The following MACF1 variants were observed in gnomAD, a reference collection of about 807,000 sequenced individuals.
MACF1 encodes the protein microtubule-actin cross-linking factor 1.
Under a neutral mutation model 854.8 loss-of-function variants are expected in MACF1, and 193 were observed. The observed-to-expected ratio is 0.23, with a 90% CI of 0.20 to 0.25. The LOEUF (loss-of-function observed/expected upper bound fraction) is 0.25. Among genes scored for constraint, MACF1 ranks in the 10% least tolerant of loss-of-function variants. MACF1 has a pLI of 1.00. For missense variants in MACF1, 7,722 were observed against 8,929.1 expected (o/e 0.86, Z 5.45); for synonymous variants, 3,185 against 3,226.7 (o/e 0.99, Z 0.44).
Position 39,460,568 on chromosome 1 carries a change from T to C in MACF1, c.21361-64T>C. The C allele has an allele frequency of 1.4e-6, 2 of 1,437,622 alleles. No homozygotes were observed. The highest frequency in any genetic ancestry group is 1.9e-6 in the Non-Finnish European group (2 of 1,026,226). 89.1% of individuals were successfully genotyped at this position (1,437,622 alleles called of 1,614,324 possible). ...TACTGAATGTCTGAAAGTTTGGGTA[T>C]GCTCTGGGCAGCTTTTGAGGGCCCA... On this transcript the variant is annotated intron_variant, in intron 91 of 100. Coordinates refer to ENST00000564288, the MANE Select transcript of MACF1 (RefSeq NM_001394062.1). The surrounding 1 kb of genome is among the most constrained non-coding windows in gnomAD (Gnocchi z 4.1).
chr1:39,092,818 C>T (rs1641839176), intron 2 of MACF1, among the ~76,000 whole-genome samples: 1 of 150,792 alleles, frequency 6.6e-6, no homozygotes, highest in African/African-American at 2.4e-5. Flanking sequence ...GAGTCTCTCT[C>T]TGTTGCCCAG....
At chr1:39,121,246 A>G (rs2148157874) in intron 2 of MACF1, among the ~76,000 whole-genome samples, 1 of 152,314 alleles carries the variant, frequency 6.6e-6, no homozygotes, top group South Asian at 2.1e-4. Context: ...CTAACGCCAT[A>G]TCTCCTTACC....
At chr1:39,352,935 C>G (rs1473705448) in intron 43 of MACF1, 72 bp from the exon 44 acceptor site, 2 of 1,036,750 alleles carry the variant, frequency 1.9e-6, no homozygotes, top group Non-Finnish European at 3.0e-6. Flanking sequence ...CCCCTTTACC[C>G]CATTACTTAA....
chr1:39,478,318 T>C (rs1644949586), intron 97 of MACF1, among the ~76,000 whole-genome samples: 1 of 152,130 alleles, frequency 6.6e-6, no homozygotes, highest in Non-Finnish European at 1.5e-5. Context: ...TCATGTATTG[T>C]TGAGGCTTGA....
intron 2 of MACF1, among the ~76,000 whole-genome samples, chr1:39,123,709 CTTGTTTTGTTTTTT>C (rs1571069820): frequency 1.1e-5 from 1 of 94,388 alleles, no homozygotes; most frequent in Non-Finnish European, 2.2e-5. Context: ...CCGGCTAATT[CTTGTTTTGTTTTTT>C]TTTTTTTTTT....
At chr1:39,404,462 C>T (rs1642613178) in intron 58 of MACF1, among the ~76,000 whole-genome samples, 1 of 150,584 alleles carries the variant, frequency 6.6e-6, no homozygotes, top group South Asian at 2.1e-4. Context: ...CAATGTGAGA[C>T]CCTGTCTGGA....
Position 39,357,789 on chromosome 1 carries a change from A to G in MACF1, c.11839A>G (p.Met3947Val), listed in dbSNP as rs1647715344. ...VTISGQKVLD[M>V]ENSFKEGKEP... is the part of the protein sequence containing the mutation. ...TATCTCAGGACAGAAAGTCTTGGAC[A>G]TGGAAAACAGTTTTAAGGAAGGCAA... Residue 3947 changes from methionine (M) to valine (V), a missense_variant, in exon 45 of 101, where the codon ATG becomes GTG. Coordinates refer to ENST00000564288, the MANE Select transcript of MACF1 (RefSeq NM_001394062.1). 6.2e-7 allele frequency: 1 copy of G among 1,614,168 alleles called. No homozygotes were observed. The highest frequency in any genetic ancestry group is 8.5e-7 in the Non-Finnish European group (1 of 1,180,020).
At position 39,441,314 on chromosome 1, in the gene MACF1, G is replaced by T; in HGVS notation, c.18661G>T (p.Asp6221Tyr). The change falls in exon 74 of 101, where the codon GAC becomes TAC. Residue 6221 changes from aspartate to tyrosine, a missense_variant. Asp to Tyr is a radical substitution (Grantham distance 160). Transcript: ENST00000564288. ...TATGCAAGCTGCTGTGCAGTATCAG[G>T]ACACTCTTCAGGTGAGAGGCCAGGA... ...DAMQAAVQYQ[D>Y]TLQAMFDWLD... The T allele has an allele frequency of 1.2e-6, 2 of 1,613,850 alleles. No homozygotes were observed. Among genetic ancestry groups the T allele is most frequent in the South Asian group, 1.1e-5 (1 of 91,032 alleles).
At chr1:39,147,623 T>A (rs1643497485) in intron 2 of MACF1, among the ~76,000 whole-genome samples, 1 of 151,678 alleles carries the variant, frequency 6.6e-6, no homozygotes, top group African/African-American at 2.4e-5. Flanking sequence ...AGGCTCAAGC[T>A]CTCCTCCTGC....
chr1:39,221,595 AGAAGCAT>A (rs1245935395), intron 1 of MACF1, among the ~76,000 whole-genome samples: 1 of 152,188 alleles, frequency 6.6e-6, no homozygotes, highest in Non-Finnish European at 1.5e-5. Context: ...TGCTGTGGCT[AGAAGCAT>A]GAGAATTGTC....
At chr1:39,423,919 C>A in intron 60 of MACF1, 109 bp from the exon 61 acceptor site, 2 of 916,770 alleles carry the variant, frequency 2.2e-6, no homozygotes, top group Non-Finnish European at 3.2e-6. Flanking sequence ...TTCTTTTACT[C>A]AATGAAGCTT....
chr1:39,296,754 G>T (rs1645912761), intron 20 of MACF1, among the ~76,000 whole-genome samples: 1 of 57,716 alleles, frequency 1.7e-5, no homozygotes, highest in Non-Finnish European at 4.1e-5. Context: ...AAGAAAGAAA[G>T]GAAGGAAGGA....
intron 61 of MACF1, among the ~76,000 whole-genome samples, chr1:39,426,671 C>T (rs925878598): frequency 6.6e-6 from 1 of 152,056 alleles, no homozygotes; most frequent in Non-Finnish European, 1.5e-5. Context: ...CAGTGACAGT[C>T]ATGTATCCCA....
At chr1:39,477,450 T>C (rs532222556) in intron 97 of MACF1, among the ~76,000 whole-genome samples, 1 of 152,078 alleles carries the variant, frequency 6.6e-6, no homozygotes, top group Admixed American at 6.5e-5. Context: ...GTCTCCAACC[T>C]GGGCTCGAGC....
At chr1:39,316,339 C>G (rs769928530) in intron 27 of MACF1, 52 bp from the exon 28 acceptor site, 97 of 1,524,292 alleles carry the variant, frequency 6.4e-5, no homozygotes, top group Non-Finnish European at 8.6e-5. Context: ...GTATATAACC[C>G]TGGCTCCTAA....
chr1:39,314,980 T>C (rs1193135760), intron 26 of MACF1, among the ~76,000 whole-genome samples: 1 of 152,228 alleles, frequency 6.6e-6, no homozygotes, highest in Non-Finnish European at 1.5e-5. Flanking sequence ...TATATATTTC[T>C]GTTGTGTTCC....
intron 2 of MACF1, among the ~76,000 whole-genome samples, chr1:39,125,489 G>A (rs371645957): frequency 1.1e-3 from 160 of 152,316 alleles, no homozygotes; most frequent in East Asian, 1.9e-4. Context: ...CTCAATATCC[G>A]TGAGTTGTCT....
intron 14 of MACF1, 53 bp downstream of exon 14, chr1:39,285,811 A>C: frequency 6.3e-7 from 1 of 1,593,556 alleles, no homozygotes; most frequent in Non-Finnish European, 8.6e-7. Flanking sequence ...GCTGAGGCTC[A>C]TGGATCAAGA....
chr1:39,196,561 A>T (rs1353810541), intron 2 of MACF1, among the ~76,000 whole-genome samples: 1 of 152,186 alleles, frequency 6.6e-6, no homozygotes, highest in African/African-American at 2.4e-5. Context: ...TTTCAGTCCT[A>T]TCGGTTATGT....
Sources: allele counts gnomAD v4.1 joint callset (sites outside exome capture counted in the v4.1 genomes callset), GRCh38; gene constraint gnomAD v4.1.1; non-coding constraint Gnocchi (gnomAD v3.1); transcripts MANE v1.5; gene names NCBI Gene and HGNC (gene_info 2026-07-23, HGNC 2026-07-21).